GRK3: variants seen among roughly 807,000 people sequenced by gnomAD.
The protein encoded by GRK3 is G protein-coupled receptor kinase 3.
In GRK3, 54 loss-of-function variants were observed where a neutral mutation model predicts 95.7. That is an observed-to-expected ratio of 0.56 (90% CI 0.45 to 0.71). The LOEUF (loss-of-function observed/expected upper bound fraction) is 0.71, where lower values mean the gene tolerates loss of function less well. Among genes scored for constraint, GRK3 ranks in the 30% least tolerant of loss-of-function variants. GRK3 has a pLI of 0.00. For synonymous variants in GRK3, 281 were observed against 290.8 expected, an observed-to-expected ratio of 0.97 and a Z score of 0.34; for missense variants, 649 against 851.2, an observed-to-expected ratio of 0.76 and a Z score of 2.96.
At chr22:25,578,695 A>G (rs1432384298) in intron 1 of GRK3, among the ~76,000 whole-genome samples, 2 of 152,156 alleles carry the variant, frequency 1.3e-5, no homozygotes, top group East Asian at 1.9e-4. Flanking sequence ...GGAAGGGGCC[A>G]TGGACCGAGG....
intron 2 of GRK3, among the ~76,000 whole-genome samples, chr22:25,641,173 T>A (rs2084739911): frequency 6.6e-6 from 1 of 152,240 alleles, no homozygotes; most frequent in African/African-American, 2.4e-5. Context: ...TAATATTTTG[T>A]GTTTTCTATT....
At position 25,722,550 on chromosome 22, in the gene GRK3, C is replaced by T. The variant is rs2085441662; in HGVS notation, c.*100C>T. ...ATCTGATCTATTCGCTACCGGGACT[C>T]CTCCAGGCTCCCGAGAGGAGTCGGG... On this transcript the variant is annotated 3_prime_UTR_variant, in exon 21 of 21. Transcript: ENST00000324198. 2 of 1,297,170 alleles carry T rather than the reference C, an allele frequency of 1.5e-6. No homozygotes were observed. Among genetic ancestry groups the T allele is most frequent in the Non-Finnish European group, 2.1e-6 (2 of 940,048 alleles). 80.4% of individuals were successfully genotyped at this position (1,297,170 alleles called of 1,614,324 possible). A position where few individuals can be genotyped will look rare whatever the true frequency, so the allele number is the denominator to read the frequency against.
At chr22:25,566,626 C>T (rs980444734) in intron 1 of GRK3, among the ~76,000 whole-genome samples, 4 of 152,092 alleles carry the variant, frequency 2.6e-5, no homozygotes, top group Non-Finnish European at 5.9e-5. Context: ...GTTTAACACC[C>T]CTATTCCAGA....
chr22:25,722,791 G>A lies in GRK3; in HGVS notation c.*341G>A. The A allele has an allele frequency of 5.0e-6, 1 of 198,122 alleles. No homozygotes were observed. The highest frequency in any genetic ancestry group is 1.0e-5 in the Non-Finnish European group (1 of 96,814). 12.3% of individuals were successfully genotyped at this position (198,122 alleles called of 1,614,324 possible). On this transcript the variant is annotated 3_prime_UTR_variant, in exon 21 of 21. Transcript: ENST00000324198. ...TGGAATTTAAAGATGTTCAGTGTTG[G>A]GTAACAGATTGCCCTAAGCATTGCC...
At chr22:25,711,203 G>T (rs1358809397) in intron 17 of GRK3, 40 bp downstream of exon 17, 2 of 1,388,426 alleles carry the variant, frequency 1.4e-6, no homozygotes, top group South Asian at 1.3e-5. Flanking sequence ...TTTATTTTTG[G>T]ATGGGATGAT....
In GRK3 at chr22:25,714,447, T is replaced by G; in HGVS notation, c.1531T>G (p.Leu511Val). ...CCAAGAACTCTACAAGAACTTCCCTTTGGTCATCTCTGAACGCTGGCAGCA... is the reference window on the plus strand; with the variant it reads ...CCAAGAACTCTACAAGAACTTCCCTGTGGTCATCTCTGAACGCTGGCAGCA... Reference protein sequence around the residue: ...CDQELYKNFPLVISERWQQEV... With the variant: ...CDQELYKNFPVVISERWQQEV... The change falls in exon 18 of 21, where the codon TTG becomes GTG. Residue 511 changes from leucine to valine, a missense_variant. By Grantham distance (32) the Leu-to-Val change is conservative (BLOSUM62 1). Around this residue, in one of 3 missense-constraint regions of GRK3, gnomAD observed 382 missense variants for 493.8 expected, o/e 0.77. Coordinates refer to ENST00000324198, the MANE Select transcript of GRK3 (RefSeq NM_005160.4). 1 of 1,613,446 alleles carries G rather than the reference T, an allele frequency of 6.2e-7. No individual in the cohort carries two copies. The highest frequency in any genetic ancestry group is 8.5e-7 in the Non-Finnish European group (1 of 1,179,838).
intron 13 of GRK3, among the ~76,000 whole-genome samples, chr22:25,695,826 AC>A (rs1303814930): frequency 7.9e-6 from 1 of 126,066 alleles, no homozygotes; most frequent in African/African-American, 3.0e-5. Context: ...ACACCATCAC[AC>A]CCGGCTAATT....
chr22:25,596,701 C>T (rs191981063), intron 1 of GRK3, among the ~76,000 whole-genome samples: 1 of 152,180 alleles, frequency 6.6e-6, no homozygotes, highest in Admixed American at 6.5e-5. Flanking sequence ...AAAAATAAAC[C>T]CTTCCTCTTC....
Position 25,577,638 on chromosome 22 carries a change from C to T in GRK3, c.113+12485C>T, listed in dbSNP as rs534116942. Among the ~76,000 whole-genome samples, 26 of 152,324 alleles carry T rather than the reference C, an allele frequency of 1.7e-4. 1 individual carries two copies. Among genetic ancestry groups the T allele is most frequent in the Middle Eastern group, 6.8e-3 (2 of 294 alleles). On this transcript the variant is annotated intron_variant, in intron 1 of 20. Transcript: ENST00000324198. ...TGTCAGGAGCACATTAGTAAATCCA[C>T]TTATGGCTTTTGCCTTCTTCACCTA...
In GRK3 at chr22:25,720,463, T is replaced by C. The variant is rs1041515031; in HGVS notation, c.1792-821T>C. 2.9e-3 allele frequency among the ~76,000 whole-genome samples: 422 copies of C among 146,570 alleles called. 4 individuals are homozygous for C. The highest frequency in any genetic ancestry group is 0.01 in the African/African-American group (413 of 39,776). ...GCATTCACTTTAAGGAATAATACTA[T>C]AGACTTTTTTTTTTTTTTTTTTTTT... On this transcript the variant is annotated intron_variant, in intron 19 of 20. Coordinates refer to ENST00000324198, the MANE Select transcript of GRK3 (RefSeq NM_005160.4).
intron 1 of GRK3, among the ~76,000 whole-genome samples, chr22:25,600,167 G>C (rs1426002337): frequency 1.4e-5 from 2 of 144,052 alleles, no homozygotes; most frequent in South Asian, 4.6e-4. Flanking sequence ...TTTTTTTTGA[G>C]ATGGAGTCTT....
intron 3 of GRK3, chr22:25,647,752 G>T: frequency 9.1e-7 from 1 of 1,104,894 alleles, no homozygotes; most frequent in Non-Finnish European, 1.4e-6. Flanking sequence ...TGGCAAAATG[G>T]GGAGAAAAGA....
At chr22:25,721,754 CTCTAAACGAAAATGCCATCTTT>C (rs1474953895) in intron 20 of GRK3, among the ~76,000 whole-genome samples, 1 of 152,136 alleles carries the variant, frequency 6.6e-6, no homozygotes, top group Non-Finnish European at 1.5e-5. Context: ...ATGCCATCTT[CTCTAAACGAAAATGCCATCTTT>C]TCCTCAAAGT....
intron 7 of GRK3, among the ~76,000 whole-genome samples, chr22:25,673,152 C>T (rs574950054): frequency 6.6e-6 from 1 of 151,662 alleles, no homozygotes; most frequent in South Asian, 2.1e-4. Context: ...ACCTCCGCCT[C>T]CCGGGTTCAC....
At chr22:25,703,907 G>T (rs1276196749) in intron 14 of GRK3, among the ~76,000 whole-genome samples, 1 of 152,176 alleles carries the variant, frequency 6.6e-6, no homozygotes. Flanking sequence ...ATGCCTTCCG[G>T]TTCTTCTGAT....
At chr22:25,599,213 G>T (rs949986006) in intron 1 of GRK3, among the ~76,000 whole-genome samples, 2 of 152,098 alleles carry the variant, frequency 1.3e-5, no homozygotes, top group African/African-American at 4.8e-5. Context: ...GATAAATTGG[G>T]TTTAATCAAA....
chr22:25,696,993 T>A (rs1341773966), intron 13 of GRK3, among the ~76,000 whole-genome samples: 2 of 152,096 alleles, frequency 1.3e-5, no homozygotes, highest in Non-Finnish European at 2.9e-5. Flanking sequence ...CTTCTATGCA[T>A]ATGGAGTGCA....
chr22:25,622,073 G>A (rs2084590288), intron 2 of GRK3, among the ~76,000 whole-genome samples: 1 of 152,100 alleles, frequency 6.6e-6, no homozygotes, highest in East Asian at 1.9e-4. Flanking sequence ...TGTCAAAATA[G>A]CAATAAGATC....
At position 25,708,731 on chromosome 22, in the gene GRK3, G is replaced by A. The variant is rs138971127; in HGVS notation, c.1329-1167G>A. ...GGCTGGAGTGCAATGGCACAATCTC[G>A]GCTCACTGCAACCTCCACCTCCCGG... On this transcript the variant is annotated intron_variant, in intron 15 of 20. Coordinates refer to ENST00000324198, the MANE Select transcript of GRK3 (RefSeq NM_005160.4). Among the ~76,000 whole-genome samples the A allele has an allele frequency of 6.2e-3, 931 of 151,282 alleles. 8 individuals carry two copies. Among genetic ancestry groups the A allele is most frequent in the African/African-American group, 0.021 (878 of 41,192 alleles).
Sources: allele counts gnomAD v4.1 joint callset (sites outside exome capture counted in the v4.1 genomes callset), GRCh38; gene constraint gnomAD v4.1.1; regional missense constraint gnomAD v4.1.1; transcripts MANE v1.5; gene names NCBI Gene and HGNC (gene_info 2026-07-23, HGNC 2026-07-21).